The following FAIM2 variants were observed in gnomAD, a reference collection of about 807,000 sequenced individuals.
The protein encoded by FAIM2 is Fas apoptotic inhibitory molecule 2, also known as protein lifeguard 2.
A neutral mutation model predicts 47.4 loss-of-function variants in FAIM2; 27 were observed. The ratio of observed to expected loss-of-function variants is 0.57; its 90% CI spans 0.42 to 0.78. The LOEUF (loss-of-function observed/expected upper bound fraction) is 0.78. FAIM2 is among the 30% of genes least tolerant of loss of function. The pLI, the probability that FAIM2 is intolerant of heterozygous loss-of-function variation, is 0.00. For missense variants in FAIM2, 311 were observed against 389.4 expected, an observed-to-expected ratio of 0.80 and a Z score of 1.69; for synonymous variants, 156 against 159.3, an observed-to-expected ratio of 0.98 and a Z score of 0.16.
At chr12:49,877,046 C>G (rs1277333585) in intron 11 of FAIM2, among the ~76,000 whole-genome samples, 1 of 152,238 alleles carries the variant, frequency 6.6e-6, no homozygotes, top group Non-Finnish European at 1.5e-5. Flanking sequence ...CTCCACAACC[C>G]TACTGGCCGT....
intron 5 of FAIM2, among the ~76,000 whole-genome samples, chr12:49,891,512 C>T (rs757924666): frequency 1.3e-5 from 2 of 152,230 alleles, no homozygotes; most frequent in Non-Finnish European, 1.5e-5. Context: ...TGCTGAGGCA[C>T]GGGGAGGTCA....
rs1946685393 is a variant in FAIM2 at position 49,869,285 on chromosome 12, G to C, written c.*1219C>G. 2 of 152,890 alleles carry C rather than the reference G, an allele frequency of 1.3e-5. No individual in the cohort carries two copies. The highest frequency in any genetic ancestry group is 4.8e-5 in the African/African-American group (2 of 41,468). The allele number at this position is 152,890 out of a possible 1,614,324, so 9.5% of individuals were successfully genotyped here. On this transcript the variant is annotated 3_prime_UTR_variant, in exon 12 of 12. Transcript: ENST00000320634. ...TTACATGGGACCAGCTGGAGGGACT[G>C]GCCCTGGCTGTTAGCATCAGCTGGA...
intron 2 of FAIM2, among the ~76,000 whole-genome samples, chr12:49,898,740 C>T (rs1842562560): frequency 6.6e-6 from 1 of 152,082 alleles, no homozygotes; most frequent in African/African-American, 2.4e-5. Flanking sequence ...GTTGCCCAGG[C>T]TGGTCTTGAA....
intron 11 of FAIM2, among the ~76,000 whole-genome samples, chr12:49,872,220 C>T (rs1484176429): frequency 6.6e-6 from 1 of 152,144 alleles, no homozygotes; most frequent in Non-Finnish European, 1.5e-5. Context: ...CCAGGAAATG[C>T]ACAATTAGGA....
chr12:49,891,224 G>C, intron 5 of FAIM2, 110 bp from the exon 6 acceptor site: 2 of 1,009,918 alleles, frequency 2.0e-6, no homozygotes, highest in South Asian at 1.4e-5. Context: ...GCAGCCAGGA[G>C]GGACAGGATG....
At chr12:49,871,233 G>T (rs1946700303) in intron 11 of FAIM2, among the ~76,000 whole-genome samples, 1 of 152,212 alleles carries the variant, frequency 6.6e-6, no homozygotes, top group African/African-American at 2.4e-5. Flanking sequence ...TTAAATATTA[G>T]CTAAAGGTTA....
intron 6 of FAIM2, 107 bp from the exon 7 acceptor site, chr12:49,890,829 T>C: frequency 1.0e-6 from 1 of 970,702 alleles, no homozygotes; most frequent in Non-Finnish European, 1.7e-6. Context: ...CCCTCCACAC[T>C]CCTCAGAGCC....
intron 11 of FAIM2, among the ~76,000 whole-genome samples, chr12:49,880,749 TGTGTGC>T (rs1157261877): frequency 2.0e-5 from 3 of 151,808 alleles, no homozygotes; most frequent in Admixed American, 1.3e-4. Flanking sequence ...TGTGCATGTG[TGTGTGC>T]GCATGTGGGT....
chr12:49,893,617 A>T (rs1946915532), intron 5 of FAIM2, among the ~76,000 whole-genome samples: 1 of 152,228 alleles, frequency 6.6e-6, no homozygotes, highest in Non-Finnish European at 1.5e-5. Context: ...CAAGAGATGC[A>T]GGAGTTGAGA....
Position 49,897,239 on chromosome 12 carries a change from C to T in FAIM2, c.381-155G>A, listed in dbSNP as rs546745282. Reference sequence around the variant, plus strand: ...GGCTCGGGGAGTCCCAGCCCACAGTCCCCGGCTGGGACCTGCAGGTGCCTG... The same window carrying T: ...GGCTCGGGGAGTCCCAGCCCACAGTTCCCGGCTGGGACCTGCAGGTGCCTG... On this transcript the variant is annotated intron_variant, in intron 4 of 11. Transcript: ENST00000320634. Among the ~76,000 whole-genome samples the T allele has an allele frequency of 2.6e-5, 4 of 152,310 alleles. No individual in the cohort carries two copies. In the East Asian group the frequency reaches 5.8e-4, roughly 22 times the overall value.
chr12:49,868,716 G>A lies in FAIM2; in HGVS notation c.*1788C>T, dbSNP rs1471498997. On this transcript the variant is annotated 3_prime_UTR_variant, in exon 12 of 12. Coordinates refer to ENST00000320634, the MANE Select transcript of FAIM2 (RefSeq NM_012306.4). ...ATTACCGAGCCTTTCTGAGCACCTC[G>A]GCTTTTCCCTCTGCTACGGACATGA... 4 of 152,196 alleles carry A rather than the reference G, an allele frequency of 2.6e-5. No homozygotes were observed. Among genetic ancestry groups the A allele is most frequent in the Admixed American group, 2.6e-4 (4 of 15,266 alleles). The allele number at this position is 152,196 out of a possible 1,614,324, so 9.4% of individuals were successfully genotyped here.
At chr12:49,895,951 GA>G (rs1233057878) in intron 5 of FAIM2, among the ~76,000 whole-genome samples, 1 of 152,238 alleles carries the variant, frequency 6.6e-6, no homozygotes, top group African/African-American at 2.4e-5. Flanking sequence ...CTCTGCCAGA[GA>G]AGTCCCAGTT....
At chr12:49,883,346 T>G (rs383307) in intron 11 of FAIM2, among the ~76,000 whole-genome samples, 115,772 of 151,294 alleles carry the variant, frequency 0.77, 44,778 homozygotes, top group African/African-American at 0.86. Context: ...GAGATAAGTT[T>G]TCAGATTCTG....
intron 11 of FAIM2, among the ~76,000 whole-genome samples, chr12:49,879,398 C>G (rs377648165): frequency 0.013 from 1,644 of 129,766 alleles, 17 homozygotes; most frequent in Non-Finnish European, 0.02. Flanking sequence ...GGGTATGTGT[C>G]CATGTGAGTG....
chr12:49,879,476 ATGTGCATGTGAGTGTATGTG>A (rs781423142), intron 11 of FAIM2, among the ~76,000 whole-genome samples: 1 of 10,600 alleles, frequency 9.4e-5, no homozygotes, highest in African/African-American at 1.0e-3. Flanking sequence ...GTGCATGTGT[ATGTGCATGTGAGTGTATGTG>A]TGTATATGTA....
At position 49,897,081 on chromosome 12, in the gene FAIM2, G is replaced by T; in HGVS notation, c.384C>A (p.Asp128Glu). 1 of 1,613,266 alleles carries T rather than the reference G, an allele frequency of 6.2e-7. No homozygotes were observed. ...TGGCCTGGACATAGTCCTTGACAGG[G>T]TCACTGCAGAGAAGAGAGAGTGGGA... ...LAVVALFTFC[D>E]PVKDYVQANP... The change falls in exon 5 of 12, where the codon GAC (aspartate) becomes GAA (glutamate). Residue 128 changes from aspartate (D) to glutamate (E), a missense_variant. Asp to Glu is a conservative substitution (Grantham distance 45). Coordinates refer to ENST00000320634, the MANE Select transcript of FAIM2 (RefSeq NM_012306.4).
At chr12:49,894,436 G>A (rs939017142) in intron 5 of FAIM2, among the ~76,000 whole-genome samples, 1 of 152,196 alleles carries the variant, frequency 6.6e-6, no homozygotes, top group Non-Finnish European at 1.5e-5. Flanking sequence ...AGAACCAATG[G>A]AGGGAGGCGA....
intron 3 of FAIM2, 68 bp downstream of exon 3, chr12:49,897,919 G>T: frequency 8.1e-7 from 1 of 1,236,514 alleles, no homozygotes; most frequent in Non-Finnish European, 1.2e-6. Context: ...AGAGGGTTGG[G>T]CCAGGGACCT....
At chr12:49,890,762 TG>T (rs1565618135) in intron 6 of FAIM2, 40 bp from the exon 7 acceptor site, 3 of 1,586,646 alleles carry the variant, frequency 1.9e-6, no homozygotes, top group Admixed American at 1.7e-5. Flanking sequence ...TCGTAGGGGG[TG>T]GGGGCAGTGG....
Sources: gnomAD v4.1 joint callset for allele counts (sites outside exome capture counted in the v4.1 genomes callset) on GRCh38, gnomAD v4.1.1 for gene constraint, MANE v1.5 for transcripts, NCBI Gene and HGNC (gene_info 2026-07-23, HGNC 2026-07-21) for gene names.